The following NDUFA10 variants were observed in gnomAD, a reference collection of about 807,000 sequenced individuals.
The protein encoded by NDUFA10 is NADH dehydrogenase [ubiquinone] 1 alpha subcomplex subunit 10, mitochondrial.
In NDUFA10, 40 loss-of-function variants were observed where a neutral mutation model predicts 47.8. The observed-to-expected ratio is 0.84, with a 90% confidence interval of 0.65 to 1.09. NDUFA10 has a LOEUF of 1.09. Ranked by LOEUF, NDUFA10 falls within the 50% of genes least tolerant of loss-of-function variation. The pLI is 0.00. For missense variants in NDUFA10, 413 were observed against 451.1 expected, an observed-to-expected ratio of 0.92 and a Z score of 0.76; for synonymous variants, 183 against 172.2, an observed-to-expected ratio of 1.06 and a Z score of -0.49.
intron 4 of NDUFA10, among the ~76,000 whole-genome samples, chr2:239,930,055 T>C (rs1379347178): frequency 9.2e-5 from 6 of 65,088 alleles, no homozygotes; most frequent in African/African-American, 4.1e-4. Context: ...GCTCCTCCGC[T>C]GCCCCTGCTT....
At chr2:239,905,808 GGGGAA>G (rs1693642854) in intron 4 of NDUFA10, among the ~76,000 whole-genome samples, 1 of 135,378 alleles carries the variant, frequency 7.4e-6, no homozygotes, top group African/African-American at 2.7e-5. Context: ...GAGGAGGGGA[GGGGAA>G]GGGAGGGGAG....
rs1195413604 is a variant in NDUFA10 at position 239,945,891 on chromosome 2, T to C, written c.294+44183A>G. Among the ~76,000 whole-genome samples, 1 of 152,050 alleles carries C rather than the reference T, an allele frequency of 6.6e-6. No individual in the cohort carries two copies. The highest frequency in any genetic ancestry group is 2.4e-5 in the African/African-American group (1 of 41,382). On this transcript the variant is annotated intron_variant, in intron 4 of 5. Transcript: ENST00000419408. This position sits in a 1 kb window ranked among gnomAD's most constrained non-coding sequence, Gnocchi z 4.6. The stretch of plus-strand genomic sequence containing the variant: ...AGAAGCACCCTGTGTGCAACCCAGG[T>C]GCCTGGAGCAGGAGGGTGGAAGACA...
chr2:239,969,114 C>T (rs1695208700), intron 9 of NDUFA10, among the ~76,000 whole-genome samples: 1 of 152,190 alleles, frequency 6.6e-6, no homozygotes, highest in African/African-American at 2.4e-5. Flanking sequence ...TGAGACATCT[C>T]TCGGCGTATG....
Position 240,005,216 on chromosome 2 carries a change from C to T in NDUFA10, c.884G>A (p.Arg295Gln), listed in dbSNP as rs771127541. The T allele has an allele frequency of 5.0e-6, 8 of 1,613,550 alleles. No homozygotes were observed. The highest frequency in any genetic ancestry group is 6.8e-6 in the Non-Finnish European group (8 of 1,179,628). Residue 295 changes from arginine (R) to glutamine (Q), a missense_variant, in exon 8 of 10, where the codon CGA (arginine) becomes CAA (glutamine). Coordinates refer to ENST00000252711, the MANE Select transcript of NDUFA10 (RefSeq NM_004544.4). ...KQDNRTLYHL[R>Q]LLVQDKFEVL... is the part of the protein sequence containing the mutation. ...CCCACACAGATGCACTTACAGTAAT[C>T]GCAGGTGGTATAAAGTGCGATTGTC...
At chr2:239,997,998 C>T (rs1447945913) in intron 8 of NDUFA10, among the ~76,000 whole-genome samples, 1 of 152,174 alleles carries the variant, frequency 6.6e-6, no homozygotes, top group East Asian at 1.9e-4. Flanking sequence ...CAGGAACATG[C>T]TCAAAATATT....
intron 4 of NDUFA10, among the ~76,000 whole-genome samples, chr2:239,916,751 G>A (rs931284970): frequency 2.0e-5 from 3 of 152,274 alleles, no homozygotes; most frequent in Non-Finnish European, 2.9e-5. Flanking sequence ...GTGAGGGACA[G>A]GTGCGGAACA....
At chr2:240,012,115 A>C in intron 5 of NDUFA10, 1 of 249,822 alleles carries the variant, frequency 4.0e-6, no homozygotes, top group South Asian at 5.1e-5. Context: ...CTCTCCCTGC[A>C]TCTCTCCAAC....
chr2:240,015,555 C>A (rs6735806), intron 4 of NDUFA10, among the ~76,000 whole-genome samples: 41,245 of 152,174 alleles, frequency 0.27, 6,120 homozygotes, highest in African/African-American at 0.38. Context: ...TTAGTGACAA[C>A]ATGAAATTGA....
intron 8 of NDUFA10, among the ~76,000 whole-genome samples, chr2:239,998,967 A>C (rs1696594526): frequency 6.6e-6 from 1 of 152,202 alleles, no homozygotes; most frequent in Non-Finnish European, 1.5e-5. Flanking sequence ...CCAAGGCTCC[A>C]ACCCACAGCA....
intron 4 of NDUFA10, among the ~76,000 whole-genome samples, chr2:240,015,874 G>T (rs910342691): frequency 6.6e-6 from 1 of 152,196 alleles, no homozygotes; most frequent in Non-Finnish European, 1.5e-5. Flanking sequence ...AAGGAAATGG[G>T]CTGGGCACAG....
chr2:239,997,945 T>A (rs1211314964), intron 8 of NDUFA10, among the ~76,000 whole-genome samples: 1 of 152,196 alleles, frequency 6.6e-6, no homozygotes, highest in Non-Finnish European at 1.5e-5. Flanking sequence ...GCAGCATATA[T>A]GGGGAGCCAT....
At chr2:239,973,611 G>T in intron 9 of NDUFA10, 1 of 471,010 alleles carries the variant, frequency 2.1e-6, no homozygotes, top group Middle Eastern at 3.2e-4. Context: ...CTTCAAGGAG[G>T]GAGCACAGTA....
chr2:239,964,336 T>C (rs967231895), intron 9 of NDUFA10, among the ~76,000 whole-genome samples: 3 of 152,036 alleles, frequency 2.0e-5, no homozygotes, highest in African/African-American at 7.3e-5. Context: ...CTGAGGAATG[T>C]GGGCGGCCTC....
chr2:239,987,065 T>C lies in NDUFA10; in HGVS notation c.999+3009A>G, dbSNP rs529877098. 6.6e-6 allele frequency among the ~76,000 whole-genome samples: 1 copy of C among 152,256 alleles called. No individual in the cohort carries two copies. Among genetic ancestry groups the C allele is most frequent in the East Asian group, 1.9e-4 (1 of 5,168 alleles). On this transcript the variant is annotated intron_variant, in intron 9 of 9. Coordinates refer to ENST00000252711, the MANE Select transcript of NDUFA10 (RefSeq NM_004544.4). The surrounding 1 kb of genome is among the most constrained non-coding windows in gnomAD (Gnocchi z 4.8). The stretch of plus-strand genomic sequence containing the variant: ...CAAAGAGATGTAGCAGAGGAAACAA[T>C]TCAATGCAGGCCATCACCCTGGATT...
At chr2:239,956,025 A>G (rs1314904118), downstream of NDUFA10, among the ~76,000 whole-genome samples, 2 of 152,142 alleles carry the variant, frequency 1.3e-5, no homozygotes, top group Non-Finnish European at 2.9e-5. Flanking sequence ...AAGGGGGAAA[A>G]AAACAGCAAA....
chr2:239,982,033 G>C (rs1346244288), intron 9 of NDUFA10: 1 of 1,580,538 alleles, frequency 6.3e-7, no homozygotes, highest in Non-Finnish European at 8.6e-7. Flanking sequence ...ACTACCTTCT[G>C]CTCTAATAGT....
chr2:239,905,665 C>A (rs1693639639), intron 4 of NDUFA10, among the ~76,000 whole-genome samples: 1 of 152,110 alleles, frequency 6.6e-6, no homozygotes, highest in Admixed American at 6.5e-5. Context: ...TGTTAACAGA[C>A]CTGGATCCTG....
intron 9 of NDUFA10, among the ~76,000 whole-genome samples, chr2:239,978,868 C>G (rs997146514): frequency 2.6e-5 from 4 of 152,016 alleles, no homozygotes; most frequent in Admixed American, 2.0e-4. Context: ...TTCTGTCTTC[C>G]CACCGTTTGT....
At chr2:239,892,822 C>G (rs1453632780) in intron 5 of NDUFA10, 1 of 152,258 alleles carries the variant, frequency 6.6e-6, no homozygotes, top group Non-Finnish European at 1.5e-5. Flanking sequence ...CAGAAACCAG[C>G]TGGCACAGTT....
Sources: gnomAD v4.1 joint callset for allele counts (sites outside exome capture counted in the v4.1 genomes callset) on GRCh38, gnomAD v4.1.1 for gene constraint, Gnocchi (gnomAD v3.1) non-coding constraint, MANE v1.5 for transcripts, NCBI Gene and HGNC (gene_info 2026-07-23, HGNC 2026-07-21) for gene names.